NBEA: variants seen among roughly 807,000 people sequenced by gnomAD.
NBEA encodes neurobeachin.
Under a neutral mutation model 343.4 loss-of-function variants are expected in NBEA, and 44 were observed. That is an observed-to-expected ratio of 0.13 (90% CI 0.10 to 0.16). The LOEUF (loss-of-function observed/expected upper bound fraction) is 0.16, where lower values mean the gene tolerates loss of function less well. Ranked by LOEUF, NBEA falls within the 10% of genes least tolerant of loss-of-function variation. The pLI, the probability that NBEA is intolerant of heterozygous loss-of-function variation, is 1.00. For missense variants in NBEA, 2,555 were observed against 3,631.3 expected (o/e 0.70, Z 7.62); for synonymous variants, 1,175 against 1,238.7 (o/e 0.95, Z 1.08).
rs551033350 is a variant in NBEA, at chr13:35,141,413, T to C, written c.2337-856T>C. Among the ~76,000 whole-genome samples the C allele has an allele frequency of 1.9e-3, 295 of 152,232 alleles. 2 individuals carry two copies. Among genetic ancestry groups the C allele is most frequent in the Middle Eastern group, 6.8e-3 (2 of 294 alleles). On this transcript the variant is annotated intron_variant, in intron 17 of 58. Transcript: ENST00000379939. ...TCCTGAGTAGCTGGGACTACAGGCA[T>C]GTGCCACCACGCCCAGCTAATTTTT...
chr13:35,061,653 G>C (rs1409076996), intron 8 of NBEA, among the ~76,000 whole-genome samples: 1 of 151,596 alleles, frequency 6.6e-6, no homozygotes, highest in Non-Finnish European at 1.5e-5. Context: ...ATGGTTTTAT[G>C]AATTGCTATA....
intron 34 of NBEA, among the ~76,000 whole-genome samples, chr13:35,237,964 A>G (rs2075312970): frequency 6.6e-6 from 1 of 152,310 alleles, no homozygotes; most frequent in East Asian, 1.9e-4. Context: ...TTTTAAGACC[A>G]TTCATTAACA....
chr13:35,446,324 A>G (rs2046041809), intron 39 of NBEA, among the ~76,000 whole-genome samples: 1 of 152,158 alleles, frequency 6.6e-6, no homozygotes, highest in Non-Finnish European at 1.5e-5. Flanking sequence ...TCCTTTGGGT[A>G]TATACCCAGT....
At chr13:35,278,623 C>A (rs1337894721) in intron 34 of NBEA, among the ~76,000 whole-genome samples, 2 of 152,292 alleles carry the variant, frequency 1.3e-5, no homozygotes, top group East Asian at 3.9e-4. Flanking sequence ...GCTTAAATAA[C>A]TAAGAACCAA....
chr13:35,646,836 C>T (rs567570437), intron 51 of NBEA, among the ~76,000 whole-genome samples: 18 of 152,270 alleles, frequency 1.2e-4, no homozygotes, highest in Admixed American at 2.6e-4. Flanking sequence ...GCCCCAGAGC[C>T]GGACAGGGCA....
At chr13:35,299,269 C>G (rs1369298147) in intron 35 of NBEA, among the ~76,000 whole-genome samples, 1 of 151,866 alleles carries the variant, frequency 6.6e-6, no homozygotes, top group Non-Finnish European at 1.5e-5. Flanking sequence ...TTTATATATT[C>G]AAAACTTTTA....
At chr13:35,550,369 G>C in intron 41 of NBEA, 108 bp from the exon 42 acceptor site, 1 of 625,246 alleles carries the variant, frequency 1.6e-6, no homozygotes, top group Non-Finnish European at 2.7e-6. Context: ...TGTTGTGACA[G>C]ACAGTGAATT....
chr13:35,089,911 G>A (rs1274216854), intron 10 of NBEA, among the ~76,000 whole-genome samples: 1 of 116,200 alleles, frequency 8.6e-6, no homozygotes, highest in Non-Finnish European at 1.7e-5. Context: ...GGACTGTTGT[G>A]GGGTGGGGGG....
intron 58 of NBEA, 56 bp downstream of exon 58, chr13:35,668,575 T>C (rs371438720): frequency 6.8e-7 from 1 of 1,479,604 alleles, no homozygotes; most frequent in Non-Finnish European, 9.0e-7. Context: ...AAGGCTCTCT[T>C]CATTCTACCA....
chr13:35,346,800 C>G (rs1044477948), intron 36 of NBEA, among the ~76,000 whole-genome samples: 1 of 152,066 alleles, frequency 6.6e-6, no homozygotes, highest in Non-Finnish European at 1.5e-5. Flanking sequence ...GTTATTTAAC[C>G]TAAATCTTAT....
chr13:35,291,810 C>A (rs1205102357), intron 35 of NBEA, among the ~76,000 whole-genome samples: 1 of 151,450 alleles, frequency 6.6e-6, no homozygotes, highest in Non-Finnish European at 1.5e-5. Flanking sequence ...CATTAAGGGC[C>A]CTAGAGATGA....
intron 1 of NBEA, among the ~76,000 whole-genome samples, chr13:35,020,575 G>A (rs552130609): frequency 4.4e-4 from 67 of 152,250 alleles, no homozygotes; most frequent in African/African-American, 1.5e-3. Context: ...CTGGAGGGCG[G>A]TGGCACGATC....
intron 1 of NBEA, among the ~76,000 whole-genome samples, chr13:34,951,198 A>G (rs928490488): frequency 7.9e-6 from 1 of 127,228 alleles, no homozygotes; most frequent in African/African-American, 2.6e-5. Flanking sequence ...TTTTTATGAT[A>G]TAACATGTGG....
Position 35,671,560 on chromosome 13 carries a change from T to G in NBEA, c.*569T>G, listed in dbSNP as rs1225451024. On this transcript the variant is annotated 3_prime_UTR_variant, in exon 59 of 59. Transcript: ENST00000379939. ...CTGTTGGCTTGATGGAACAGGTGCA[T>G]TCACACTATGAAACAGAAAGATCTG... 6.5e-6 allele frequency: 1 copy of G among 152,888 alleles called. No homozygotes were observed. Among genetic ancestry groups the G allele is most frequent in the Non-Finnish European group, 1.5e-5 (1 of 68,190 alleles). The allele number at this position is 152,888 out of a possible 1,614,324, so 9.5% of individuals were successfully genotyped here.
intron 38 of NBEA, among the ~76,000 whole-genome samples, chr13:35,422,076 AT>A (rs1213120022): frequency 1.9e-4 from 21 of 110,974 alleles, no homozygotes; most frequent in Non-Finnish European, 3.6e-4. Flanking sequence ...GTTTTCCGCC[AT>A]TTTTTTGTTT....
At chr13:35,247,888 A>T (rs1320520257) in intron 34 of NBEA, among the ~76,000 whole-genome samples, 1 of 152,200 alleles carries the variant, frequency 6.6e-6, no homozygotes, top group African/African-American at 2.4e-5. Context: ...GGGAAAAAAA[A>T]AGAAGATTCA....
intron 34 of NBEA, among the ~76,000 whole-genome samples, chr13:35,260,069 G>A (rs1297361476): frequency 6.6e-6 from 1 of 152,124 alleles, no homozygotes; most frequent in African/African-American, 2.4e-5. Flanking sequence ...ATAGTATTTT[G>A]TATACAATCA....
intron 13 of NBEA, 138 bp from the exon 14 acceptor site, chr13:35,117,276 T>C (rs986923134): frequency 3.1e-6 from 1 of 319,058 alleles, no homozygotes; most frequent in African/African-American, 2.2e-5. Flanking sequence ...ATTATTAAAA[T>C]TTTATAGCAT....
chr13:35,195,875 G>C lies in NBEA; in HGVS notation c.4939G>C (p.Ala1647Pro). The C allele has an allele frequency of 6.3e-7, 1 of 1,587,530 alleles. No homozygotes were observed. Among genetic ancestry groups the C allele is most frequent in the South Asian group, 1.2e-5 (1 of 85,620 alleles). ...TTCTTTCATTACAGAAACACCTGCT[G>C]CATTTCCAGACACCATAAAAGAAAA... ...GHSFYKETPA[A>P]FPDTIKEKET... The change falls in exon 31 of 59, where the codon GCA becomes CCA. Residue 1647 changes from alanine (A) to proline (P), a missense_variant. Around this residue, in one of 21 missense-constraint regions of NBEA, gnomAD observed 270 missense variants for 293.3 expected, o/e 0.92. Coordinates refer to ENST00000379939, the MANE Select transcript of NBEA (RefSeq NM_001385012.1).
Sources: allele counts gnomAD v4.1 joint callset (sites outside exome capture counted in the v4.1 genomes callset), GRCh38; gene constraint gnomAD v4.1.1; regional missense constraint gnomAD v4.1.1; transcripts MANE v1.5; gene names NCBI Gene and HGNC (gene_info 2026-07-23, HGNC 2026-07-21).